HS3ST3B1: variants seen among roughly 807,000 people sequenced by gnomAD.
HS3ST3B1 encodes the protein heparan sulfate glucosamine 3-O-sulfotransferase 3B1.
HS3ST3B1 carries 13 observed loss-of-function variants against 21.3 expected under a neutral mutation model. The ratio of observed to expected loss-of-function variants is 0.61; its 90% CI spans 0.40 to 0.97. The LOEUF is 0.97. Among genes scored for constraint, HS3ST3B1 ranks in the 50% least tolerant of loss-of-function variants. The pLI is 0.00. For missense variants in HS3ST3B1, 459 were observed against 554.8 expected (o/e 0.83, Z 1.73); for synonymous variants, 234 against 254.8 (o/e 0.92, Z 0.78).
intron 1 of HS3ST3B1, among the ~76,000 whole-genome samples, chr17:14,309,284 G>A (rs1909228685): frequency 6.6e-6 from 1 of 152,362 alleles, no homozygotes; most frequent in Admixed American, 6.5e-5. Context: ...GAGACAGATG[G>A]CGGAGCTTCC....
At chr17:14,335,707 G>A (rs1390616085) in intron 1 of HS3ST3B1, among the ~76,000 whole-genome samples, 1 of 151,576 alleles carries the variant, frequency 6.6e-6, no homozygotes, top group Admixed American at 6.6e-5. Flanking sequence ...AAAAAAAAAG[G>A]AAAAAAAATT....
intron 1 of HS3ST3B1, 37 bp downstream of exon 1, chr17:14,302,109 G>T (rs770291722): frequency 3.2e-6 from 5 of 1,556,420 alleles, no homozygotes; most frequent in Middle Eastern, 1.7e-4. Flanking sequence ...CTCCATCGTC[G>T]ATTCAGACCC....
intron 1 of HS3ST3B1, chr17:14,305,378 G>A (rs1302935905): frequency 6.6e-6 from 1 of 152,138 alleles, no homozygotes; most frequent in Non-Finnish European, 1.5e-5. Context: ...ATAGTGTTTG[G>A]GAAACACCGG....
intron 1 of HS3ST3B1, among the ~76,000 whole-genome samples, chr17:14,315,687 G>A (rs1303454982): frequency 6.6e-6 from 1 of 152,042 alleles, no homozygotes; most frequent in African/African-American, 2.4e-5. Flanking sequence ...CAGGCGTGGT[G>A]GCGGGTGCCT....
rs766388555 is a variant in HS3ST3B1, at chr17:14,302,058, C to A, written c.540C>A (p.Gly180=). 6.2e-7 allele frequency: 1 copy of A among 1,602,550 alleles called. No individual in the cohort carries two copies. The highest frequency in any genetic ancestry group is 1.1e-5 in the South Asian group (1 of 90,370). Residue 180 remains glycine (G), a synonymous_variant, in exon 1 of 2, where the codon GGC becomes GGA. Coordinates refer to ENST00000360954, the MANE Select transcript of HS3ST3B1 (RefSeq NM_006041.3). ...PHFFDRSYDK[G]LAWYRDLMPR... ...TCTTCGATCGCAGCTACGACAAGGG[C>A]CTCGCTTGGTACCGGTGAGTTTCCC...
At chr17:14,329,356 A>AAG (rs755090573) in intron 1 of HS3ST3B1, 28 of 111,392 alleles carry the variant, frequency 2.5e-4, no homozygotes, top group East Asian at 1.6e-3. Context: ...AAAGAAAGAA[A>AAG]GAAAGAAAGA....
intron 1 of HS3ST3B1, among the ~76,000 whole-genome samples, chr17:14,319,315 T>C (rs1484907441): frequency 6.6e-6 from 1 of 152,070 alleles, no homozygotes; most frequent in East Asian, 1.9e-4. Flanking sequence ...TCAATAAGAG[T>C]GTATTGAGAG....
chr17:14,312,004 A>G (rs1327969874), intron 1 of HS3ST3B1, among the ~76,000 whole-genome samples: 1 of 152,184 alleles, frequency 6.6e-6, no homozygotes, highest in African/African-American at 2.4e-5. Flanking sequence ...AAGATAGTAC[A>G]AATTTAAAAT....
At chr17:14,334,150 T>C (rs1910114227) in intron 1 of HS3ST3B1, among the ~76,000 whole-genome samples, 1 of 152,144 alleles carries the variant, frequency 6.6e-6, no homozygotes, top group Non-Finnish European at 1.5e-5. Flanking sequence ...ATTGCTAAAA[T>C]GGGACATTGC....
At position 14,320,986 on chromosome 17, in the gene HS3ST3B1, G is replaced by A. The variant is rs944978944; in HGVS notation, c.554+18914G>A. ...CTCTGCACCGACCATTTGCAGGGAC[G>A]GTGGGATGTGTGTGTACAACCTTGA... is the stretch of plus-strand genomic sequence containing the variant. On this transcript the variant is annotated intron_variant, in intron 1 of 1. Coordinates refer to ENST00000360954, the MANE Select transcript of HS3ST3B1 (RefSeq NM_006041.3). Among the ~76,000 whole-genome samples, 5 of 152,298 alleles carry A rather than the reference G, an allele frequency of 3.3e-5. No homozygotes were observed. In the South Asian group the frequency reaches 6.2e-4, roughly 19 times the overall value.
rs781367388 is a variant in HS3ST3B1 at position 14,301,956 on chromosome 17, G to T, written c.438G>T (p.Lys146Asn). 1.2e-6 allele frequency: 2 copies of T among 1,609,732 alleles called. No individual in the cohort carries two copies. Among genetic ancestry groups the T allele is most frequent in the South Asian group, 2.2e-5 (2 of 90,266 alleles). The change falls in exon 1 of 2, where the codon AAG becomes AAT. Residue 146 changes from lysine to asparagine, a missense_variant. Lys to Asn is a moderately conservative substitution (Grantham distance 94). Around this residue, in one of 3 missense-constraint regions of HS3ST3B1, gnomAD observed 317 missense variants for 278.6 expected, o/e 1.14. Coordinates refer to ENST00000360954, the MANE Select transcript of HS3ST3B1 (RefSeq NM_006041.3). The stretch of plus-strand genomic sequence containing the variant: ...CGCAGGCCATCATCATCGGCGTGAA[G>T]AAGGGCGGCACGCGGGCGCTGCTGG... ...QLPQAIIIGV[K>N]KGGTRALLEF...
chr17:14,340,531 G>A (rs766666890), intron 1 of HS3ST3B1, among the ~76,000 whole-genome samples: 6 of 152,078 alleles, frequency 3.9e-5, no homozygotes, highest in Non-Finnish European at 7.3e-5. Flanking sequence ...TATCATGATG[G>A]TCCTGAATAA....
intron 1 of HS3ST3B1, chr17:14,328,281 C>A (rs1208752127): frequency 1.3e-5 from 2 of 152,188 alleles, no homozygotes; most frequent in Non-Finnish European, 2.9e-5. Context: ...ATGCACAAGG[C>A]AGGTTGGACT....
chr17:14,343,090 A>G (rs1910437608), intron 1 of HS3ST3B1, among the ~76,000 whole-genome samples: 2 of 152,034 alleles, frequency 1.3e-5, no homozygotes, highest in Non-Finnish European at 2.9e-5. Flanking sequence ...AAAAATACAA[A>G]AATTAGCCAG....
In HS3ST3B1 at chr17:14,345,668, T is replaced by C. The variant is rs1311428439; in HGVS notation, c.*22T>C. ...TTGAGCAGACCCGGGCTATGTACCTTACCCACGTGGCTTATCTATTGACAG... is the reference window on the plus strand; with the variant it reads ...TTGAGCAGACCCGGGCTATGTACCTCACCCACGTGGCTTATCTATTGACAG... On this transcript the variant is annotated 3_prime_UTR_variant, in exon 2 of 2. Coordinates refer to ENST00000360954, the MANE Select transcript of HS3ST3B1 (RefSeq NM_006041.3). The C allele has an allele frequency of 3.1e-6, 5 of 1,604,508 alleles. No homozygotes were observed. In the East Asian group the frequency reaches 1.1e-4, roughly 36 times the overall value.
rs1251557749 is a variant in HS3ST3B1, at chr17:14,348,324, A to G, written c.*2678A>G. 3 of 152,228 alleles carry G rather than the reference A, an allele frequency of 2.0e-5. No individual in the cohort carries two copies. The highest frequency in any genetic ancestry group is 4.4e-5 in the Non-Finnish European group (3 of 68,042). The allele number at this position is 152,228 out of a possible 1,614,324, so 9.4% of individuals were successfully genotyped here. ...GGGTCAAAATTCTATTCTGGGTCAAATCCTTGAATTCAAACAGATGTCCAT... is the reference window on the plus strand; with the variant it reads ...GGGTCAAAATTCTATTCTGGGTCAAGTCCTTGAATTCAAACAGATGTCCAT... On this transcript the variant is annotated 3_prime_UTR_variant, in exon 2 of 2. Transcript: ENST00000360954.
rs1001453533 is a variant in HS3ST3B1 at position 14,345,138 on chromosome 17, A to G, written c.665A>G (p.Lys222Arg). The G allele has an allele frequency of 6.3e-7, 1 of 1,589,330 alleles. No individual in the cohort carries two copies. The highest frequency in any genetic ancestry group is 1.1e-5 in the South Asian group (1 of 88,000). Residue 222 changes from lysine (K) to arginine (R), a missense_variant, in exon 2 of 2, where the codon AAG becomes AGG. Lys to Arg is a conservative substitution (Grantham distance 26). This residue lies in a region of HS3ST3B1 where 15 missense variants were observed against 66.3 expected (regional missense o/e 0.23). Transcript: ENST00000360954. ...ARISAMSKDTKLIVVVRDPVT... is the reference protein window; with the variant it reads ...ARISAMSKDTRLIVVVRDPVT... ...ATCTCGGCCATGTCCAAGGACACCAAGCTCATCGTGGTGGTGCGGGACCCG... is the reference window on the plus strand; with the variant it reads ...ATCTCGGCCATGTCCAAGGACACCAGGCTCATCGTGGTGGTGCGGGACCCG...
At chr17:14,320,275 G>A (rs941272426) in intron 1 of HS3ST3B1, among the ~76,000 whole-genome samples, 9 of 152,276 alleles carry the variant, frequency 5.9e-5, no homozygotes, top group East Asian at 1.9e-4. Context: ...GGGATGGGGC[G>A]CTGCACTGGG....
intron 1 of HS3ST3B1, among the ~76,000 whole-genome samples, chr17:14,307,686 C>T (rs939803847): frequency 2.6e-5 from 4 of 152,094 alleles, no homozygotes; most frequent in African/African-American, 9.7e-5. Flanking sequence ...GGCTGCTTGC[C>T]GACTGGTTTC....
Sources: allele counts gnomAD v4.1 joint callset (sites outside exome capture counted in the v4.1 genomes callset), GRCh38; gene constraint gnomAD v4.1.1; regional missense constraint gnomAD v4.1.1; transcripts MANE v1.5; gene names NCBI Gene and HGNC (gene_info 2026-07-23, HGNC 2026-07-21).